The following ETFB variants were observed in gnomAD, a reference collection of about 807,000 sequenced individuals.
ETFB encodes beta-ETF.
Under a neutral mutation model 25.6 loss-of-function variants are expected in ETFB, and 20 were observed. That is an observed-to-expected ratio of 0.78 (90% CI 0.55 to 1.14). The LOEUF (loss-of-function observed/expected upper bound fraction) is 1.14. Among genes scored for constraint, ETFB ranks in the 50% most tolerant of loss-of-function variants. ETFB has a pLI of 0.00. For missense variants in ETFB, 286 were observed against 342.6 expected, an observed-to-expected ratio of 0.83 and a Z score of 1.30; for synonymous variants, 142 against 146.7, an observed-to-expected ratio of 0.97 and a Z score of 0.23.
intron 1 of ETFB, among the ~76,000 whole-genome samples, chr19:51,358,836 A>C (rs868590465): frequency 0.061 from 8,727 of 143,852 alleles, 671 homozygotes; most frequent in African/African-American, 0.18. Flanking sequence ...AACAACAAAA[A>C]AAAAAAAAAA....
At chr19:51,360,949 C>A (rs949044797) in intron 1 of ETFB, among the ~76,000 whole-genome samples, 1 of 152,090 alleles carries the variant, frequency 6.6e-6, no homozygotes, top group Non-Finnish European at 1.5e-5. Flanking sequence ...CCACGCCTGG[C>A]TAATTTTTTG....
In ETFB at chr19:51,353,152, G is replaced by A; in HGVS notation, c.355C>T (p.Leu119=). The part of the protein sequence containing the change: ...AKLAEKEKVD[L]VLLGKQAIDD... ...GCTACCTGTTTGCCCAGCAGCACCA[G>A]GTCCACCTTCTCCTTCTCTGCCAGC... Residue 119 remains leucine, a synonymous_variant, in exon 3 of 6, where the codon CTG becomes TTG. Transcript: ENST00000309244. 1 of 1,614,074 alleles carries A rather than the reference G, an allele frequency of 6.2e-7. No homozygotes were observed. The highest frequency in any genetic ancestry group is 8.5e-7 in the Non-Finnish European group (1 of 1,179,996).
intron 1 of ETFB, among the ~76,000 whole-genome samples, chr19:51,358,414 C>G (rs1048068420): frequency 9.2e-5 from 14 of 152,256 alleles, no homozygotes; most frequent in African/African-American, 2.9e-4. Context: ...TGTCTGTAAT[C>G]CCAGAAATTT....
intron 1 of ETFB, among the ~76,000 whole-genome samples, chr19:51,363,224 G>A (rs2123614327): frequency 6.6e-6 from 1 of 152,226 alleles, no homozygotes; most frequent in South Asian, 2.1e-4. Flanking sequence ...TGGGAACAGA[G>A]GTGGATCAGA....
chr19:51,357,333 C>G (rs1986106513), intron 1 of ETFB, among the ~76,000 whole-genome samples: 1 of 151,272 alleles, frequency 6.6e-6, no homozygotes, highest in African/African-American at 2.4e-5. Flanking sequence ...CTCGGCCTCC[C>G]AAAGTGCTGG....
chr19:51,355,789 G>C (rs1194444692), intron 1 of ETFB: 1 of 151,860 alleles, frequency 6.6e-6, no homozygotes, highest in African/African-American at 2.4e-5. Flanking sequence ...CATGTCCTTT[G>C]TAGGGACATG....
chr19:51,352,483 T>G (rs1985953092), intron 3 of ETFB, among the ~76,000 whole-genome samples: 1 of 150,832 alleles, frequency 6.6e-6, no homozygotes, highest in Non-Finnish European at 1.5e-5. Flanking sequence ...TCCCTCCCCA[T>G]GCTAAGCCCA....
At position 51,366,358 on chromosome 19, in the gene ETFB, C is replaced by A. The variant is rs764342231; in HGVS notation, c.-32G>T. The A allele has an allele frequency of 2.9e-5, 46 of 1,608,484 alleles. No homozygotes were observed. Among genetic ancestry groups the A allele is most frequent in the Non-Finnish European group, 2.7e-5 (32 of 1,177,916 alleles). On this transcript the variant is annotated 5_prime_UTR_variant, in exon 1 of 6. Transcript: ENST00000309244. Reference sequence around the variant, plus strand: ...GCCGCAGCCACTTACAGGGTCAGCCCGCACCCTCAGCGGCTCAGTCCAGAA... The same window carrying A: ...GCCGCAGCCACTTACAGGGTCAGCCAGCACCCTCAGCGGCTCAGTCCAGAA...
chr19:51,362,671 C>T (rs1371858421), intron 1 of ETFB, among the ~76,000 whole-genome samples: 1 of 152,204 alleles, frequency 6.6e-6, no homozygotes, highest in Non-Finnish European at 1.5e-5. Context: ...GTACCATCAT[C>T]CCCATTGTAC....
chr19:51,346,752 C>A, intron 5 of ETFB, 148 bp downstream of exon 5: 1 of 754,174 alleles, frequency 1.3e-6, no homozygotes, highest in Non-Finnish European at 2.1e-6. Flanking sequence ...AGCAAACTCT[C>A]TCTATCAGCC....
chr19:51,361,697 G>GTTTTTTTTTTTTTT (rs67282065), intron 1 of ETFB: 2 of 95,424 alleles, frequency 2.1e-5, no homozygotes, highest in African/African-American at 9.2e-5. Flanking sequence ...CCTCTCCTGG[G>GTTTTTTTTTTTTTT]TTTTTTTTTT....
Position 51,346,883 on chromosome 19 carries a change from G to A in ETFB, c.597+17C>T, listed in dbSNP as rs372586153. Reference sequence around the variant, plus strand: ...TGCCACCCCCAGGCCCTCAGTGCCCGCTGGCCAGGGGCTCACCATGATGTT... The same window carrying A: ...TGCCACCCCCAGGCCCTCAGTGCCCACTGGCCAGGGGCTCACCATGATGTT... On this transcript the variant is annotated intron_variant, in intron 5 of 5. Transcript: ENST00000309244. 9.1e-6 allele frequency: 14 copies of A among 1,545,880 alleles called. No homozygotes were observed. The highest frequency in any genetic ancestry group is 1.8e-4 in the Middle Eastern group (1 of 5,678).
rs79338777 is a variant in ETFB, at chr19:51,354,484, G to A, written c.58-176C>T. On this transcript the variant is annotated intron_variant, in intron 1 of 5. Coordinates refer to ENST00000309244, the MANE Select transcript of ETFB (RefSeq NM_001985.3). ...AACTGGGTTAGAGTTTGTAGGCAGGGGCAGGTCACCCTGTCTCCTTCTCTC... is the reference window on the plus strand; with the variant it reads ...AACTGGGTTAGAGTTTGTAGGCAGGAGCAGGTCACCCTGTCTCCTTCTCTC... 115,109 of 1,613,998 alleles carry A rather than the reference G, an allele frequency of 0.071. 4,538 individuals are homozygous for A. The highest frequency in any genetic ancestry group is 0.14 in the East Asian group (6,477 of 44,868).
intron 5 of ETFB, chr19:51,345,924 G>A (rs1480146072): frequency 1.2e-5 from 1 of 80,862 alleles, no homozygotes; most frequent in African/African-American, 5.4e-5. Context: ...GAGATGATGC[G>A]CTGAACCCTC....
rs1401884535 is a variant in ETFB, at chr19:51,366,364, C to T, written c.-38G>A. The T allele has an allele frequency of 1.2e-6, 2 of 1,600,370 alleles. No homozygotes were observed. The highest frequency in any genetic ancestry group is 2.2e-5 in the East Asian group (1 of 44,516). ...GCCACTTACAGGGTCAGCCCGCACC[C>T]TCAGCGGCTCAGTCCAGAAGCCCCA... On this transcript the variant is annotated 5_prime_UTR_variant, in exon 1 of 6. Transcript: ENST00000309244.
chr19:51,363,879 G>A lies in ETFB; in HGVS notation c.57+2391C>T, dbSNP rs576184958. ...AGCCGCGGCCTGGTCTGTCAGGACAGGAGGAGCAGGTCACAGTGGCAGAAG... is the reference window on the plus strand; with the variant it reads ...AGCCGCGGCCTGGTCTGTCAGGACAAGAGGAGCAGGTCACAGTGGCAGAAG... On this transcript the variant is annotated intron_variant, in intron 1 of 5. Coordinates refer to ENST00000309244, the MANE Select transcript of ETFB (RefSeq NM_001985.3). Among the ~76,000 whole-genome samples, 4 of 152,320 alleles carry A rather than the reference G, an allele frequency of 2.6e-5. No homozygotes were observed. The East Asian group carries it at 7.7e-4, about 29-fold the overall frequency.
At chr19:51,345,576 T>TG in intron 5 of ETFB, 195 bp from the exon 6 acceptor site, 1 of 628,858 alleles carries the variant, frequency 1.6e-6, no homozygotes, top group South Asian at 1.8e-5. Flanking sequence ...TAGGAGGCCC[T>TG]GGGAGGCCCA....
At chr19:51,357,940 A>C (rs1048291156) in intron 1 of ETFB, among the ~76,000 whole-genome samples, 1 of 152,192 alleles carries the variant, frequency 6.6e-6, no homozygotes, top group Non-Finnish European at 1.5e-5. Flanking sequence ...AGACAGATGC[A>C]AGAGGTTTCT....
At chr19:51,350,496 T>G (rs550699634) in intron 3 of ETFB, 105 bp from the exon 4 acceptor site, 26 of 694,190 alleles carry the variant, frequency 3.7e-5, no homozygotes, top group Admixed American at 2.4e-4. Flanking sequence ...TTCTTTTTTT[T>G]CTTTTTGAGA....
Sources: allele counts gnomAD v4.1 joint callset (sites outside exome capture counted in the v4.1 genomes callset), GRCh38; gene constraint gnomAD v4.1.1; transcripts MANE v1.5; gene names NCBI Gene and HGNC (gene_info 2026-07-23, HGNC 2026-07-21).